Variants in NAALADL2 observed in about 807,000 individuals in gnomAD.
NAALADL2 encodes inactive N-acetylated-alpha-linked acidic dipeptidase-like protein 2.
In NAALADL2, 76 loss-of-function variants were observed where a neutral mutation model predicts 87.2. That is an observed-to-expected ratio of 0.87 (90% CI 0.72 to 1.05). NAALADL2 has a LOEUF of 1.05. Among genes scored for constraint, NAALADL2 ranks in the 50% least tolerant of loss-of-function variants. The probability of loss-of-function intolerance (pLI) is 0.00; values close to 1 mark genes in which losing one functional copy is unlikely to be tolerated. For missense variants in NAALADL2, 1,089 were observed against 945.8 expected, an observed-to-expected ratio of 1.15 and a Z score of -1.99; for synonymous variants, 354 against 331.0, an observed-to-expected ratio of 1.07 and a Z score of -0.75.
rs73881347 is a variant in NAALADL2 at position 175,682,084 on chromosome 3, T to A, written c.1896+54698T>A. ...GTTCAGAGTTGTGTGTCACCAATCA[T>A]AATACTACTGGATGATTCTAAAGAG... On this transcript the variant is annotated intron_variant, in intron 11 of 13. Transcript: ENST00000454872. 3.2e-3 allele frequency among the ~76,000 whole-genome samples: 489 copies of A among 152,142 alleles called. 3 individuals carry two copies. Among genetic ancestry groups the A allele is most frequent in the African/African-American group, 0.011 (453 of 41,530 alleles).
chr3:175,806,795 G>A lies in NAALADL2; in HGVS notation c.*3592G>A, dbSNP rs1754748522. On this transcript the variant is annotated 3_prime_UTR_variant, in exon 14 of 14. Coordinates refer to ENST00000454872, the MANE Select transcript of NAALADL2 (RefSeq NM_207015.3). Reference sequence around the variant, plus strand: ...CAGTTCCAAAGCTAATAAAAATGATGAGGCATATTTCTCTTCTGGGCCCAC... The same window carrying A: ...CAGTTCCAAAGCTAATAAAAATGATAAGGCATATTTCTCTTCTGGGCCCAC... The A allele has an allele frequency of 6.8e-6, 1 of 146,838 alleles. No individual in the cohort carries two copies. The highest frequency in any genetic ancestry group is 2.1e-4 in the South Asian group (1 of 4,664). The allele number at this position is 146,838 out of a possible 1,614,324, so 9.1% of individuals were successfully genotyped here. A position where few individuals can be genotyped will look rare whatever the true frequency, so the allele number is the denominator to read the frequency against.
At chr3:175,600,568 C>A (rs1248499508) in intron 10 of NAALADL2, among the ~76,000 whole-genome samples, 1 of 103,848 alleles carries the variant, frequency 9.6e-6, no homozygotes, top group Non-Finnish European at 1.8e-5. Flanking sequence ...GACGGAGTCT[C>A]GCTCTGTCGC....
intron 6 of NAALADL2, among the ~76,000 whole-genome samples, chr3:175,453,888 T>C (rs1281743170): frequency 6.6e-6 from 1 of 152,160 alleles, no homozygotes; most frequent in Non-Finnish European, 1.5e-5. Context: ...TCACTTTATA[T>C]GTTTTGAGAT....
chr3:175,036,508 T>C (rs1580134072), intron 1 of NAALADL2, among the ~76,000 whole-genome samples: 1 of 151,962 alleles, frequency 6.6e-6, no homozygotes, highest in Admixed American at 6.6e-5. Context: ...CACACTATTC[T>C]CCTGCCTCAG....
intron 2 of NAALADL2, among the ~76,000 whole-genome samples, chr3:174,725,236 C>A (rs768732394): frequency 3.3e-5 from 5 of 152,136 alleles, no homozygotes; most frequent in African/African-American, 7.2e-5. Flanking sequence ...TTAGGAGAAT[C>A]CTTTGGCTTG....
intron 9 of NAALADL2, among the ~76,000 whole-genome samples, chr3:175,563,937 A>T (rs1485598885): frequency 1.3e-5 from 2 of 152,164 alleles, no homozygotes; most frequent in African/African-American, 4.8e-5. Flanking sequence ...TATCCTGAGG[A>T]TAGCAGTTAG....
intron 11 of NAALADL2, among the ~76,000 whole-genome samples, chr3:175,644,989 T>C (rs1729800975): frequency 1.3e-5 from 2 of 152,130 alleles, no homozygotes; most frequent in South Asian, 4.2e-4. Context: ...AGTTGTTTAG[T>C]GCTGAAAATA....
At chr3:174,664,459 A>G (rs965624863) in intron 2 of NAALADL2, among the ~76,000 whole-genome samples, 3 of 152,200 alleles carry the variant, frequency 2.0e-5, no homozygotes, top group African/African-American at 7.2e-5. Flanking sequence ...TGGGTCTCAT[A>G]CCAATAAGCA....
rs1287718973 is a variant in NAALADL2, at chr3:175,021,803, G to C, written c.44-74987G>C. ...ATTGATAGATTAAATGCAAAAGTCT[G>C]TAAGTGCAAAGTTGTTAAGTACTGC... On this transcript the variant is annotated intron_variant, in intron 1 of 13. Transcript: ENST00000454872. 2.0e-5 allele frequency among the ~76,000 whole-genome samples: 3 copies of C among 152,102 alleles called. 1 individual carries two copies. Among genetic ancestry groups the C allele is most frequent in the South Asian group, 4.1e-4 (2 of 4,832 alleles).
At position 175,799,919 on chromosome 3, in the gene NAALADL2, G is replaced by A. The variant is rs190242959; in HGVS notation, c.2190-3086G>A. The stretch of plus-strand genomic sequence containing the variant: ...ACTTGGAGAATAGCAAAGGGAAAAT[G>A]TCTGCTTTAAAGAATGTTCTGCGCC... On this transcript the variant is annotated intron_variant, in intron 13 of 13. Coordinates refer to ENST00000454872, the MANE Select transcript of NAALADL2 (RefSeq NM_207015.3). 5.9e-5 allele frequency among the ~76,000 whole-genome samples: 9 copies of A among 152,268 alleles called. No individual in the cohort carries two copies. In the East Asian group the frequency reaches 1.5e-3, roughly 26 times the overall value.
chr3:174,986,057 A>G (rs1183241872), intron 1 of NAALADL2, among the ~76,000 whole-genome samples: 3 of 152,096 alleles, frequency 2.0e-5, no homozygotes, highest in Non-Finnish European at 4.4e-5. Flanking sequence ...CATTGTCTAC[A>G]TGAGATTAAT....
intron 2 of NAALADL2, among the ~76,000 whole-genome samples, chr3:175,201,420 C>T (rs1235930114): frequency 2.0e-5 from 3 of 152,242 alleles, no homozygotes; most frequent in African/African-American, 7.2e-5. Flanking sequence ...AGTAATTTTT[C>T]CCCTATGGAA....
intron 3 of NAALADL2, among the ~76,000 whole-genome samples, chr3:175,245,422 G>C (rs1747786664): frequency 6.6e-6 from 1 of 152,166 alleles, no homozygotes. Flanking sequence ...TGACAAAACG[G>C]TTTTGCTTTA....
intron 9 of NAALADL2, among the ~76,000 whole-genome samples, chr3:175,507,171 G>A (rs1010650305): frequency 4.6e-5 from 7 of 151,310 alleles, no homozygotes; most frequent in African/African-American, 1.7e-4. Context: ...TCTGTCTGTA[G>A]ATACTGCTCT....
intron 2 of NAALADL2, chr3:174,631,902 C>T (rs553731488): frequency 1.6e-4 from 24 of 152,274 alleles, no homozygotes; most frequent in African/African-American, 4.1e-4. Context: ...AGCTGATCTC[C>T]GGTCTCTTTT....
chr3:174,960,496 T>C (rs997213060), intron 1 of NAALADL2, among the ~76,000 whole-genome samples: 1 of 152,008 alleles, frequency 6.6e-6, no homozygotes, highest in Non-Finnish European at 1.5e-5. Flanking sequence ...AAGAAGCAAT[T>C]GAGATTTGAG....
chr3:175,216,229 C>T (rs1025014718), intron 2 of NAALADL2, among the ~76,000 whole-genome samples: 3 of 152,116 alleles, frequency 2.0e-5, no homozygotes, highest in African/African-American at 7.2e-5. Context: ...ATTCCCCCTT[C>T]CCCTTGCCTC....
chr3:175,135,084 GCTC>G (rs1728906878), intron 2 of NAALADL2, among the ~76,000 whole-genome samples: 1 of 151,998 alleles, frequency 6.6e-6, no homozygotes, highest in South Asian at 2.1e-4. Context: ...CAAATAGATG[GCTC>G]CTGTCTGCTA....
At chr3:175,422,828 GT>G (rs1280426995) in intron 5 of NAALADL2, among the ~76,000 whole-genome samples, 1 of 151,710 alleles carries the variant, frequency 6.6e-6, no homozygotes, top group African/African-American at 2.4e-5. Context: ...TTGGCCACCT[GT>G]TTTTGCTAAT....
Sources: gnomAD v4.1 joint callset for allele counts (sites outside exome capture counted in the v4.1 genomes callset) on GRCh38, gnomAD v4.1.1 for gene constraint, MANE v1.5 for transcripts, NCBI Gene and HGNC (gene_info 2026-07-23, HGNC 2026-07-21) for gene names.